RAD23B: variants seen among roughly 807,000 people sequenced by gnomAD.
RAD23B encodes the protein RAD23 nucleotide excision repair protein B, also known as lysine-specific demethylase RAD23B.
A neutral mutation model predicts 49.1 loss-of-function variants in RAD23B; 5 were observed. That is an observed-to-expected ratio of 0.10 (90% CI 0.05 to 0.21). RAD23B has a LOEUF of 0.21. Among genes scored for constraint, RAD23B ranks in the 10% least tolerant of loss-of-function variants. The pLI is 1.00. For missense variants in RAD23B, 356 were observed against 486.7 expected, an observed-to-expected ratio of 0.73 and a Z score of 2.53; for synonymous variants, 184 against 165.4, an observed-to-expected ratio of 1.11 and a Z score of -0.86.
At chr9:107,303,643 T>C (rs994819731) in intron 3 of RAD23B, among the ~76,000 whole-genome samples, 24 of 152,196 alleles carry the variant, frequency 1.6e-4, no homozygotes, top group Non-Finnish European at 3.4e-4. Flanking sequence ...ATTTGTCTTT[T>C]TGTGACTGGC....
At chr9:107,311,786 A>C in intron 5 of RAD23B, 49 bp downstream of exon 5, 2 of 1,366,050 alleles carry the variant, frequency 1.5e-6, no homozygotes, top group Non-Finnish European at 2.0e-6. Flanking sequence ...GATAGGAAAG[A>C]GGTTTCACTT....
At chr9:107,313,933 T>A (rs935106644) in intron 5 of RAD23B, among the ~76,000 whole-genome samples, 1 of 151,904 alleles carries the variant, frequency 6.6e-6, no homozygotes, top group African/African-American at 2.4e-5. Flanking sequence ...CCTCCTTCCT[T>A]CCTTTCTCCT....
chr9:107,294,740 T>C (rs1826464509), intron 1 of RAD23B, among the ~76,000 whole-genome samples: 1 of 152,110 alleles, frequency 6.6e-6, no homozygotes. Flanking sequence ...TAAGTGTGCA[T>C]AAATGAAGGT....
At chr9:107,325,206 TG>T (rs1238752583) in intron 9 of RAD23B, 9 of 373,278 alleles carry the variant, frequency 2.4e-5, no homozygotes, top group Non-Finnish European at 3.9e-5. Context: ...CTCAGCTACT[TG>T]GGAGGCTGAG....
intron 1 of RAD23B, among the ~76,000 whole-genome samples, chr9:107,298,812 C>CTT (rs1554740931): frequency 1.4e-5 from 2 of 147,668 alleles, no homozygotes; most frequent in Admixed American, 6.8e-5. Context: ...CACTGTTTTA[C>CTT]TTTTTTTTTT....
intron 1 of RAD23B, chr9:107,284,223 C>T (rs1050916339): frequency 9.3e-5 from 92 of 985,620 alleles, no homozygotes; most frequent in Non-Finnish European, 1.1e-4. Context: ...CCCCTTTCCC[C>T]TCAGAATTGT....
intron 3 of RAD23B, among the ~76,000 whole-genome samples, chr9:107,305,481 C>T (rs1384832691): frequency 6.6e-6 from 1 of 152,088 alleles, no homozygotes; most frequent in East Asian, 1.9e-4. Context: ...GGCAGGCACA[C>T]TCAGTGTAAC....
intron 4 of RAD23B, among the ~76,000 whole-genome samples, chr9:107,309,781 AT>A (rs1826852161): frequency 6.6e-6 from 1 of 152,012 alleles, no homozygotes; most frequent in Admixed American, 6.6e-5. Flanking sequence ...AATACAAAAA[AT>A]TAGCTGGGCG....
intron 1 of RAD23B, among the ~76,000 whole-genome samples, chr9:107,293,765 C>G (rs1261943167): frequency 6.6e-6 from 1 of 152,128 alleles, no homozygotes; most frequent in African/African-American, 2.4e-5. Flanking sequence ...CATGCATGAC[C>G]TAAATTTGTC....
intron 1 of RAD23B, among the ~76,000 whole-genome samples, chr9:107,287,113 A>G (rs1163349856): frequency 6.6e-6 from 1 of 151,956 alleles, no homozygotes; most frequent in Non-Finnish European, 1.5e-5. Flanking sequence ...TAATGGTGTG[A>G]TGGACATTTA....
chr9:107,313,724 A>G (rs554102910), intron 5 of RAD23B, among the ~76,000 whole-genome samples: 3 of 152,324 alleles, frequency 2.0e-5, no homozygotes, highest in Admixed American at 2.0e-4. Context: ...AGAAAACTTT[A>G]GAACCTCCAT....
intron 5 of RAD23B, among the ~76,000 whole-genome samples, 189 bp downstream of exon 5, chr9:107,311,926 T>A (rs1826897103): frequency 6.6e-6 from 1 of 152,268 alleles, no homozygotes; most frequent in South Asian, 2.1e-4. Context: ...ATTGAGTTCT[T>A]TAAAACTTGC....
intron 4 of RAD23B, among the ~76,000 whole-genome samples, chr9:107,309,890 C>A (rs192112462): frequency 6.7e-6 from 1 of 148,920 alleles, no homozygotes. Context: ...GAGATTGCGC[C>A]GCTGCACTCC....
At position 107,329,711 on chromosome 9, in the gene RAD23B, A is replaced by G; in HGVS notation, c.*55A>G. ...ACCAGTGCATTACACTAACTTGTTC[A>G]CTGGATTGTCTGGGATGACTTGGGC... On this transcript the variant is annotated 3_prime_UTR_variant, in exon 10 of 10. Coordinates refer to ENST00000358015, the MANE Select transcript of RAD23B (RefSeq NM_002874.5). The G allele has an allele frequency of 8.8e-7, 1 of 1,135,528 alleles. No individual in the cohort carries two copies. 70.3% of individuals were successfully genotyped at this position (1,135,528 alleles called of 1,614,324 possible). A position where few individuals can be genotyped will look rare whatever the true frequency, so the allele number is the denominator to read the frequency against.
At chr9:107,298,243 A>G (rs937926732) in intron 1 of RAD23B, among the ~76,000 whole-genome samples, 1 of 152,152 alleles carries the variant, frequency 6.6e-6, no homozygotes, top group Non-Finnish European at 1.5e-5. Context: ...ACTTGGTTTC[A>G]AGACTTGTTT....
At chr9:107,299,749 T>C (rs1194291518) in intron 1 of RAD23B, among the ~76,000 whole-genome samples, 1 of 152,356 alleles carries the variant, frequency 6.6e-6, no homozygotes, top group East Asian at 1.9e-4. Flanking sequence ...ACCTTTAACA[T>C]TGAAGTATTC....
At chr9:107,309,312 C>T (rs904400619) in intron 4 of RAD23B, among the ~76,000 whole-genome samples, 4 of 152,090 alleles carry the variant, frequency 2.6e-5, no homozygotes, top group Non-Finnish European at 5.9e-5. Flanking sequence ...GCTGATACTA[C>T]AAGACAGTTA....
At chr9:107,284,107 C>T (rs1833221560) in intron 1 of RAD23B, 1 of 998,838 alleles carries the variant, frequency 1.0e-6, no homozygotes, top group Non-Finnish European at 1.2e-6. Context: ...CCTGGTTAGC[C>T]GCTTAGTTCC....
At chr9:107,312,226 T>A (rs1269361427) in intron 5 of RAD23B, among the ~76,000 whole-genome samples, 1 of 152,232 alleles carries the variant, frequency 6.6e-6, no homozygotes, top group Non-Finnish European at 1.5e-5. Flanking sequence ...ATAATGCCTT[T>A]CCATCTCCCA....
Sources: allele counts gnomAD v4.1 joint callset (sites outside exome capture counted in the v4.1 genomes callset), GRCh38; gene constraint gnomAD v4.1.1; transcripts MANE v1.5; gene names NCBI Gene and HGNC (gene_info 2026-07-23, HGNC 2026-07-21).